Variants in ADAMTSL2 observed in about 807,000 individuals in gnomAD.
ADAMTSL2 encodes ADAMTS like 2, also known as ADAMTS-like protein 2.
In ADAMTSL2, 55 loss-of-function variants were observed where a neutral mutation model predicts 117.0. The ratio of observed to expected loss-of-function variants is 0.47; its 90% CI spans 0.38 to 0.59. The LOEUF is 0.59. ADAMTSL2 is among the 20% of genes least tolerant of loss of function. The probability of loss-of-function intolerance (pLI) is 0.00; values close to 1 mark genes in which losing one functional copy is unlikely to be tolerated. For missense variants in ADAMTSL2, 1,182 were observed against 1,354.5 expected (o/e 0.87, Z 2.00); for synonymous variants, 572 against 566.4 (o/e 1.01, Z -0.14).
At chr9:133,568,855 A>G in intron 15 of ADAMTSL2, 97 bp downstream of exon 15, 1 of 1,511,446 alleles carries the variant, frequency 6.6e-7, no homozygotes, top group Non-Finnish European at 9.1e-7. Flanking sequence ...TTCCGAGGCA[A>G]GGGTGTGAGG....
chr9:133,540,086 G>A (rs375499997), intron 5 of ADAMTSL2, among the ~76,000 whole-genome samples: 7 of 152,290 alleles, frequency 4.6e-5, no homozygotes, highest in East Asian at 1.9e-4. Context: ...GACAGATTAC[G>A]GGACTGAGTT....
chr9:133,539,701 T>TGTCCCGGC, intron 4 of ADAMTSL2, 70 bp from the exon 5 acceptor site: 1 of 353,994 alleles, frequency 2.8e-6, no homozygotes, highest in Non-Finnish European at 4.2e-6. Flanking sequence ...CACTTCCTGC[T>TGTCCCGGC]TAGCCTGGAC....
In ADAMTSL2 at chr9:133,566,965, C is replaced by A; in HGVS notation, c.1777C>A (p.Arg593Ser). 6.2e-7 allele frequency: 1 copy of A among 1,610,406 alleles called. No individual in the cohort carries two copies. Among genetic ancestry groups the A allele is most frequent in the Non-Finnish European group, 8.5e-7 (1 of 1,178,906 alleles). ...CATGTCTGCGTACGCCATGTGTGTC[C>A]GCTATGATGGCGTCGAGGTGGATGA... is the stretch of plus-strand genomic sequence containing the variant. ...GVMSAYAMCV[R>S]YDGVEVDDSY... The change falls in exon 13 of 19, where the codon CGC (arginine) becomes AGC (serine). Residue 593 changes from arginine to serine, a missense_variant. Physicochemically the swap from Arg to Ser is moderately radical, Grantham distance 110. Coordinates refer to ENST00000651351, the MANE Select transcript of ADAMTSL2 (RefSeq NM_014694.4).
At position 133,555,661 on chromosome 9, in the gene ADAMTSL2, C is replaced by T. The variant is rs1378784218; in HGVS notation, c.1380C>T (p.Asp460=). The change falls in exon 11 of 19, where the codon GAC becomes GAT. Residue 460 remains aspartate (D), a synonymous_variant. Coordinates refer to ENST00000651351, the MANE Select transcript of ADAMTSL2 (RefSeq NM_014694.4). ...QEFFSANAIS[D]QLLGAGSDLK... is the part of the protein sequence containing the mutation. ...TCTTCTCGGCTAACGCCATCTCTGA[C>T]CAGCTGCTGGGCGCAGGCTCTGACT... The T allele has an allele frequency of 3.0e-5, 48 of 1,613,690 alleles. No homozygotes were observed. The highest frequency in any genetic ancestry group is 5.0e-5 in the Admixed American group (3 of 60,016).
intron 3 of ADAMTSL2, 70 bp downstream of exon 3, chr9:133,537,617 G>A (rs1830083727): frequency 1.5e-6 from 2 of 1,297,260 alleles, no homozygotes; most frequent in East Asian, 5.7e-5. Context: ...GAGGGCGGTT[G>A]GCTCTTCAGC....
chr9:133,572,626 G>A (rs1831133902), intron 17 of ADAMTSL2, among the ~76,000 whole-genome samples: 3 of 152,140 alleles, frequency 2.0e-5, no homozygotes, highest in Non-Finnish European at 4.4e-5. Context: ...TGGCACGGGG[G>A]GAGCCATGAA....
intron 9 of ADAMTSL2, among the ~76,000 whole-genome samples, chr9:133,551,896 C>G (rs1830494821): frequency 2.0e-5 from 3 of 146,406 alleles, no homozygotes; most frequent in Admixed American, 7.1e-5. Context: ...GTGGCACAGT[C>G]TCAGCTCCCT....
At chr9:133,544,123 C>T (rs1830291522) in intron 7 of ADAMTSL2, among the ~76,000 whole-genome samples, 1 of 152,250 alleles carries the variant, frequency 6.6e-6, no homozygotes, top group South Asian at 2.1e-4. Context: ...GCTGGGGCTC[C>T]ATCGGCTGCC....
chr9:133,542,927 T>C (rs994470300), intron 7 of ADAMTSL2, among the ~76,000 whole-genome samples: 1 of 152,184 alleles, frequency 6.6e-6, no homozygotes, highest in African/African-American at 2.4e-5. Flanking sequence ...AAAGTCACCA[T>C]TTTCTAATCC....
rs1444206770 is a variant in ADAMTSL2, at chr9:133,534,833, C to A, written c.-235C>A. On this transcript the variant is annotated 5_prime_UTR_variant, in exon 1 of 19. Coordinates refer to ENST00000651351, the MANE Select transcript of ADAMTSL2 (RefSeq NM_014694.4). ...GCAGCCTCTGCACTCACGCCGCCCC[C>A]GCACGCACAGCGCACCTGGCGCCGT... The A allele has an allele frequency of 4.0e-6, 6 of 1,499,798 alleles. No individual in the cohort carries two copies. Among genetic ancestry groups the A allele is most frequent in the South Asian group, 2.5e-5 (2 of 78,840 alleles). The allele number at this position is 1,499,798 out of a possible 1,614,324, so 92.9% of individuals were successfully genotyped here.
At chr9:133,535,842 A>AAG (rs1830037959) in intron 1 of ADAMTSL2, among the ~76,000 whole-genome samples, 1 of 151,714 alleles carries the variant, frequency 6.6e-6, no homozygotes, top group Non-Finnish European at 1.5e-5. Context: ...GGCAGGGTCG[A>AAG]CGCTGAGGAG....
chr9:133,548,132 T>C (rs576696253), intron 9 of ADAMTSL2, among the ~76,000 whole-genome samples: 1 of 152,346 alleles, frequency 6.6e-6, no homozygotes, highest in Admixed American at 6.5e-5. Context: ...GTGGGTTTCA[T>C]TGCCTCATGT....
rs2131147596 is a variant in ADAMTSL2 at position 133,558,426 on chromosome 9, T to C, written c.1649+2496T>C. On this transcript the variant is annotated intron_variant, in intron 11 of 18. Coordinates refer to ENST00000651351, the MANE Select transcript of ADAMTSL2 (RefSeq NM_014694.4). The surrounding 1 kb of genome is among the most constrained non-coding windows in gnomAD (Gnocchi z 4.3). ...CAGAAAGGAAAGGCTATTTTCATCT[T>C]TCCAGAAAAGCTTCAAACAATCAAG... Among the ~76,000 whole-genome samples, 1 of 152,292 alleles carries C rather than the reference T, an allele frequency of 6.6e-6. No homozygotes were observed. The highest frequency in any genetic ancestry group is 2.4e-5 in the African/African-American group (1 of 41,558).
intron 9 of ADAMTSL2, among the ~76,000 whole-genome samples, chr9:133,550,109 TG>T (rs937245366): frequency 1.3e-5 from 2 of 152,172 alleles, no homozygotes; most frequent in Non-Finnish European, 2.9e-5. Context: ...TATGGCTGTG[TG>T]GGGGTGCCCT....
chr9:133,571,608 C>T (rs1482748355), intron 17 of ADAMTSL2, among the ~76,000 whole-genome samples: 2 of 152,188 alleles, frequency 1.3e-5, no homozygotes, highest in Non-Finnish European at 2.9e-5. Context: ...CTGGGCCCCA[C>T]GGAGGCAGCC....
Position 133,558,304 on chromosome 9 carries a change from G to GT in ADAMTSL2, c.1649+2374_1649+2375insT, listed in dbSNP as rs1385025379. Among the ~76,000 whole-genome samples, 1 of 152,196 alleles carries GT rather than the reference G, an allele frequency of 6.6e-6. No homozygotes were observed. Among genetic ancestry groups the GT allele is most frequent in the Non-Finnish European group, 1.5e-5 (1 of 68,038 alleles). On this transcript the variant is annotated intron_variant, in intron 11 of 18. Transcript: ENST00000651351. This position sits in a 1 kb window ranked among gnomAD's most constrained non-coding sequence, Gnocchi z 4.3. ...AGATAAAGGGCAGAGGGAGGCGGCG[G>GT]GGGAAACCACCAGGCCAAAATAGCC...
At chr9:133,574,413 C>T (rs1001249719) in intron 18 of ADAMTSL2, among the ~76,000 whole-genome samples, 2 of 152,244 alleles carry the variant, frequency 1.3e-5, no homozygotes, top group South Asian at 2.1e-4. Context: ...GTGCAGGGCA[C>T]GTGATGAGTT....
chr9:133,554,773 C>G lies in ADAMTSL2; in HGVS notation c.1276+80C>G, dbSNP rs1394013360. Reference sequence around the variant, plus strand: ...GGGGCCTTGGGGAAGGGGTCTCAGACCCTTTGCAGACCTGCAGAGGAGGTT... The same window carrying G: ...GGGGCCTTGGGGAAGGGGTCTCAGAGCCTTTGCAGACCTGCAGAGGAGGTT... On this transcript the variant is annotated intron_variant, in intron 10 of 18. Coordinates refer to ENST00000651351, the MANE Select transcript of ADAMTSL2 (RefSeq NM_014694.4). The surrounding 1 kb of genome is among the most constrained non-coding windows in gnomAD (Gnocchi z 5.2). 7.8e-7 allele frequency: 1 copy of G among 1,275,148 alleles called. No homozygotes were observed. Among genetic ancestry groups the G allele is most frequent in the African/African-American group, 1.5e-5 (1 of 66,486 alleles). 79.0% of individuals were successfully genotyped at this position (1,275,148 alleles called of 1,614,324 possible). A position where few individuals can be genotyped will look rare whatever the true frequency, so the allele number is the denominator to read the frequency against.
At chr9:133,560,599 C>A (rs1830703720) in intron 11 of ADAMTSL2, among the ~76,000 whole-genome samples, 1 of 152,236 alleles carries the variant, frequency 6.6e-6, no homozygotes, top group African/African-American at 2.4e-5. Context: ...ACCCAGCGTG[C>A]CTCCCCCGAC....
Sources: gnomAD v4.1 joint callset for allele counts (sites outside exome capture counted in the v4.1 genomes callset) on GRCh38, gnomAD v4.1.1 for gene constraint, Gnocchi (gnomAD v3.1) non-coding constraint, MANE v1.5 for transcripts, NCBI Gene and HGNC (gene_info 2026-07-23, HGNC 2026-07-21) for gene names.